Variants in DIAPH2 observed in about 807,000 individuals in gnomAD.
DIAPH2 encodes the protein diaphanous related formin 2, also known as protein diaphanous homolog 2.
In DIAPH2, 35 loss-of-function variants were observed where a neutral mutation model predicts 92.7. The observed-to-expected ratio is 0.38, with a 90% CI of 0.29 to 0.50. The LOEUF is 0.50. Ranked by LOEUF, DIAPH2 falls within the 20% of genes least tolerant of loss-of-function variation. DIAPH2 has a pLI of 0.94. For synonymous variants in DIAPH2, 301 were observed against 280.4 expected (o/e 1.07, Z -0.73); for missense variants, 701 against 819.5 (o/e 0.86, Z 1.77).
chrX:97,420,330 T>G (rs769235993), intron 25 of DIAPH2, among the ~76,000 whole-genome samples: 1 of 111,937 alleles, frequency 8.9e-6, no homozygotes, highest in African/African-American at 3.2e-5. Context: ...AACAAACTTT[T>G]AGGTAACACC....
rs540875245 is a variant in DIAPH2 at position 96,916,860 on chromosome X, G to A, written c.869+286G>A. On this transcript the variant is annotated intron_variant, in intron 8 of 26. Coordinates refer to ENST00000324765, the MANE Select transcript of DIAPH2 (RefSeq NM_006729.5). ...GGAGGTACAGCAATCATTAGAAAGTGGACAAAAATCAGAGAGTTATTTTGG... is the reference window on the plus strand; with the variant it reads ...GGAGGTACAGCAATCATTAGAAAGTAGACAAAAATCAGAGAGTTATTTTGG... Among the ~76,000 whole-genome samples the A allele has an allele frequency of 3.6e-5, 4 of 111,029 alleles. No individual in the cohort carries two copies. The South Asian group carries it at 1.5e-3, about 42-fold the overall frequency.
chrX:96,817,436 A>C (rs2064744820), intron 4 of DIAPH2, among the ~76,000 whole-genome samples: 1 of 111,861 alleles, frequency 8.9e-6, no homozygotes, highest in African/African-American at 3.3e-5. Flanking sequence ...TGGCTTAATT[A>C]TTGTGAGTTT....
intron 1 of DIAPH2, among the ~76,000 whole-genome samples, chrX:96,715,804 A>G (rs1055650587): frequency 1.8e-5 from 2 of 111,775 alleles, no homozygotes; most frequent in African/African-American, 6.5e-5. Flanking sequence ...GTATTTAAAC[A>G]TAGCCAAAAG....
intron 3 of DIAPH2, among the ~76,000 whole-genome samples, chrX:96,751,647 G>GTTGTTTTTTTTTTTTT (rs2064189692): frequency 1.2e-5 from 1 of 85,049 alleles, no homozygotes; most frequent in African/African-American, 4.4e-5. Context: ...AGACTTCAGT[G>GTTGTTTTTTTTTTTTT]TTTTGTTTTT....
At chrX:97,256,678 TG>T (rs1283102788) in intron 23 of DIAPH2, among the ~76,000 whole-genome samples, 1 of 111,703 alleles carries the variant, frequency 9.0e-6, no homozygotes, top group Non-Finnish European at 1.9e-5. Context: ...TTTGTTTGTT[TG>T]TTTGAGATGG....
chrX:97,532,517 A>G (rs73554329), intron 26 of DIAPH2, among the ~76,000 whole-genome samples: 1,463 of 112,758 alleles, frequency 0.013, 19 homozygotes, highest in African/African-American at 0.045. Flanking sequence ...TAAGCAGCCT[A>G]TGTGAAACAA....
At chrX:97,194,442 C>T (rs376436606) in intron 22 of DIAPH2, among the ~76,000 whole-genome samples, 3,155 of 109,744 alleles carry the variant, frequency 0.029, 43 homozygotes, top group Non-Finnish European at 0.041. Context: ...CCACCAAGCC[C>T]GGCTAATTTC....
intron 17 of DIAPH2, among the ~76,000 whole-genome samples, chrX:97,006,968 G>A (rs189764793): frequency 1.1e-3 from 119 of 110,746 alleles, no homozygotes; most frequent in African/African-American, 3.8e-3. Context: ...TTGTCATGAG[G>A]CATGCAAATA....
intron 22 of DIAPH2, among the ~76,000 whole-genome samples, chrX:97,175,191 GT>G (rs756459386): frequency 4.5e-5 from 5 of 111,595 alleles, no homozygotes; most frequent in Non-Finnish European, 9.4e-5. Context: ...TGAGGCTTCT[GT>G]TTTGCAAAAA....
intron 22 of DIAPH2, among the ~76,000 whole-genome samples, chrX:97,148,382 T>A (rs2067261233): frequency 8.9e-6 from 1 of 112,253 alleles, no homozygotes; most frequent in South Asian, 3.8e-4. Flanking sequence ...CCATAATCTT[T>A]CTAGCTCCAT....
At chrX:96,877,863 C>T (rs1345533238) in intron 4 of DIAPH2, among the ~76,000 whole-genome samples, 1 of 112,172 alleles carries the variant, frequency 8.9e-6, no homozygotes. Context: ...TAATGATTTT[C>T]AAATTAAGGA....
chrX:96,975,012 G>A (rs2065951784), intron 17 of DIAPH2, among the ~76,000 whole-genome samples: 1 of 111,392 alleles, frequency 9.0e-6, no homozygotes, highest in Non-Finnish European at 1.9e-5. Context: ...AAACATAAGA[G>A]CTTAATAAAA....
At chrX:97,391,638 A>G (rs1386097618) in intron 25 of DIAPH2, among the ~76,000 whole-genome samples, 3 of 111,311 alleles carry the variant, frequency 2.7e-5, no homozygotes, top group Non-Finnish European at 3.8e-5. Flanking sequence ...TCTATTTCCT[A>G]TCAATGTAGC....
intron 24 of DIAPH2, among the ~76,000 whole-genome samples, chrX:97,379,973 CT>C (rs1181397104): frequency 5.3e-4 from 53 of 100,178 alleles, no homozygotes; most frequent in Admixed American, 1.1e-3. Flanking sequence ...GAATTTCTTT[CT>C]TTTTTTTTTT....
At chrX:97,105,386 C>T (rs961544755) in intron 20 of DIAPH2, among the ~76,000 whole-genome samples, 4 of 111,330 alleles carry the variant, frequency 3.6e-5, no homozygotes, top group African/African-American at 9.8e-5. Context: ...GGGACATGCT[C>T]GCTCCCACAT....
chrX:97,290,581 C>T (rs1162003662), intron 23 of DIAPH2, among the ~76,000 whole-genome samples: 4 of 112,485 alleles, frequency 3.6e-5, no homozygotes, highest in Non-Finnish European at 3.7e-5. Context: ...GCACAGGGCT[C>T]TTCTAAACAT....
intron 21 of DIAPH2, among the ~76,000 whole-genome samples, chrX:97,128,707 T>C (rs2067110323): frequency 8.9e-6 from 1 of 112,650 alleles, no homozygotes; most frequent in Non-Finnish European, 1.9e-5. Flanking sequence ...AGACAACTGC[T>C]GATTTGTTTT....
At chrX:97,406,760 C>T (rs917173189) in intron 25 of DIAPH2, among the ~76,000 whole-genome samples, 2 of 111,525 alleles carry the variant, frequency 1.8e-5, no homozygotes, top group African/African-American at 6.5e-5. Flanking sequence ...AGGAAATAAA[C>T]AGCCTTGAAT....
At chrX:96,751,664 T>G (rs1200165944) in intron 3 of DIAPH2, among the ~76,000 whole-genome samples, 1 of 73,521 alleles carries the variant, frequency 1.4e-5, no homozygotes, top group Non-Finnish European at 2.8e-5. Flanking sequence ...TTTTTTTTTT[T>G]TTTTTTTGAG....
Sources: gnomAD v4.1 joint callset for allele counts (sites outside exome capture counted in the v4.1 genomes callset) on GRCh38, gnomAD v4.1.1 for gene constraint, MANE v1.5 for transcripts, NCBI Gene and HGNC (gene_info 2026-07-23, HGNC 2026-07-21) for gene names.